The following RNF4 variants were observed in gnomAD, a reference collection of about 807,000 sequenced individuals.
RNF4 encodes the protein ring finger protein 4, also known as E3 ubiquitin-protein ligase RNF4.
A neutral mutation model predicts 24.3 loss-of-function variants in RNF4; 7 were observed. The observed-to-expected ratio is 0.29, with a 90% CI of 0.16 to 0.54. The LOEUF (loss-of-function observed/expected upper bound fraction) is 0.54. Among genes scored for constraint, RNF4 ranks in the 20% least tolerant of loss-of-function variants. RNF4 has a pLI of 0.95. For synonymous variants in RNF4, 83 were observed against 84.3 expected, an observed-to-expected ratio of 0.98 and a Z score of 0.09; for missense variants, 209 against 248.5, an observed-to-expected ratio of 0.84 and a Z score of 1.07.
chr4:2,496,422 C>T (rs1735737520), intron 2 of RNF4, among the ~76,000 whole-genome samples: 1 of 152,166 alleles, frequency 6.6e-6, no homozygotes, highest in Admixed American at 6.5e-5. Flanking sequence ...CTGACTTGGC[C>T]TCAAGCTTTT....
chr4:2,496,178 C>A (rs1271502243), intron 2 of RNF4, among the ~76,000 whole-genome samples: 1 of 152,114 alleles, frequency 6.6e-6, no homozygotes, highest in Non-Finnish European at 1.5e-5. Flanking sequence ...GAGTGATTGT[C>A]TGGTGTGAAT....
At chr4:2,502,466 A>G (rs1735938894) in intron 4 of RNF4, among the ~76,000 whole-genome samples, 1 of 152,098 alleles carries the variant, frequency 6.6e-6, no homozygotes, top group African/African-American at 2.4e-5. Flanking sequence ...TGGGCGGACC[A>G]CAAGGTCAGG....
rs1211375638 is a variant in RNF4, at chr4:2,506,614, C to T, written c.205-5342C>T. ...ACAGGGTCTCACTTTGTTACCCAGG[C>T]TGGAGTGCAGTGGTGCCATCACGGC... On this transcript the variant is annotated intron_variant, in intron 4 of 7. Transcript: ENST00000314289. Among the ~76,000 whole-genome samples the T allele has an allele frequency of 2.0e-5, 3 of 150,988 alleles. No homozygotes were observed. The Admixed American group carries it at 2.0e-4, about 10-fold the overall frequency.
chr4:2,492,814 G>C (rs1735620565), intron 2 of RNF4, among the ~76,000 whole-genome samples: 1 of 152,208 alleles, frequency 6.6e-6, no homozygotes, highest in Non-Finnish European at 1.5e-5. Context: ...AGGTTACCAT[G>C]TAGCTCACCT....
chr4:2,482,981 C>T (rs1225358283), intron 1 of RNF4, among the ~76,000 whole-genome samples: 1 of 152,186 alleles, frequency 6.6e-6, no homozygotes, highest in Non-Finnish European at 1.5e-5. Context: ...GAGCCGGAAA[C>T]ATTGGTTCCA....
chr4:2,472,323 T>TCAAAATATTACTG (rs1734931913), intron 1 of RNF4, among the ~76,000 whole-genome samples: 1 of 152,218 alleles, frequency 6.6e-6, no homozygotes, highest in Non-Finnish European at 1.5e-5. Context: ...AAGATTTCTT[T>TCAAAATATTACTG]CAAAATATTA....
intron 2 of RNF4, among the ~76,000 whole-genome samples, chr4:2,491,926 C>CAT (rs1466991183): frequency 6.6e-6 from 1 of 150,716 alleles, no homozygotes; most frequent in East Asian, 2.0e-4. Context: ...TGGCCAGGTG[C>CAT]GGTGGCTTAT....
rs191804767 is a variant in RNF4, at chr4:2,491,305, C to T, written c.9+803C>T. 2.1e-4 allele frequency among the ~76,000 whole-genome samples: 32 copies of T among 151,946 alleles called. No homozygotes were observed. In the East Asian group the frequency reaches 2.4e-3, roughly 11 times the overall value. ...AGCCTGGAGTGCAGTGGCCCGACCT[C>T]GGCTCACTGCAACCTCCACGTTCTG... On this transcript the variant is annotated intron_variant, in intron 2 of 7. Coordinates refer to ENST00000314289, the MANE Select transcript of RNF4 (RefSeq NM_002938.5).
intron 1 of RNF4, among the ~76,000 whole-genome samples, chr4:2,488,986 A>G (rs960010726): frequency 1.3e-5 from 2 of 151,678 alleles, no homozygotes; most frequent in Middle Eastern, 3.4e-3. Flanking sequence ...AATTTTTTGT[A>G]TTTTCTAGTA....
Position 2,514,823 on chromosome 4 carries a change from G to A in RNF4, c.*1004G>A, listed in dbSNP as rs1379078444. On this transcript the variant is annotated 3_prime_UTR_variant, in exon 8 of 8. Coordinates refer to ENST00000314289, the MANE Select transcript of RNF4 (RefSeq NM_002938.5). ...AGGTCACTGTTGCCCCATGTTCGGA[G>A]AACCTGGCCCACCTGTCTTGGCTTT... 2 of 152,678 alleles carry A rather than the reference G, an allele frequency of 1.3e-5. No homozygotes were observed. Among genetic ancestry groups the A allele is most frequent in the African/African-American group, 4.8e-5 (2 of 41,438 alleles). 9.5% of individuals were successfully genotyped at this position (152,678 alleles called of 1,614,324 possible). A position where few individuals can be genotyped will look rare whatever the true frequency, so the allele number is the denominator to read the frequency against.
At chr4:2,500,543 A>C (rs1393628331) in intron 3 of RNF4, 116 bp from the exon 4 acceptor site, 8 of 991,230 alleles carry the variant, frequency 8.1e-6, no homozygotes, top group Admixed American at 2.2e-5. Context: ...TGTATACTTC[A>C]GGATTGTTTT....
intron 4 of RNF4, among the ~76,000 whole-genome samples, chr4:2,510,608 G>A (rs757054258): frequency 6.6e-5 from 10 of 152,228 alleles, no homozygotes; most frequent in Non-Finnish European, 1.3e-4. Flanking sequence ...CTCGGTTCAC[G>A]TCTAGGATCC....
At chr4:2,483,035 A>G (rs1237638429) in intron 1 of RNF4, among the ~76,000 whole-genome samples, 3 of 152,112 alleles carry the variant, frequency 2.0e-5, no homozygotes, top group Non-Finnish European at 4.4e-5. Context: ...ATTTAATAGC[A>G]CTCATACCTG....
intron 2 of RNF4, among the ~76,000 whole-genome samples, chr4:2,491,873 A>G (rs1436081667): frequency 6.6e-6 from 1 of 151,722 alleles, no homozygotes; most frequent in East Asian, 1.9e-4. Context: ...AGTTGGGATC[A>G]TAGGCATGCA....
In RNF4 at chr4:2,512,620, G is replaced by C; in HGVS notation, c.374+23G>C. ...CAGGTACCAACGTGCCCCCAGCTCT[G>C]CTGCCGCCATGCTAGGATGTGGGGC... On this transcript the variant is annotated intron_variant, in intron 6 of 7. Transcript: ENST00000314289. The surrounding 1 kb of genome is among the most constrained non-coding windows in gnomAD (Gnocchi z 4.1). The C allele has an allele frequency of 6.2e-7, 1 of 1,611,988 alleles. No individual in the cohort carries two copies. Among genetic ancestry groups the C allele is most frequent in the Non-Finnish European group, 8.5e-7 (1 of 1,178,784 alleles).
At chr4:2,508,791 T>C (rs1736180518) in intron 4 of RNF4, among the ~76,000 whole-genome samples, 1 of 151,846 alleles carries the variant, frequency 6.6e-6, no homozygotes, top group South Asian at 2.1e-4. Flanking sequence ...TTTGTGTTTT[T>C]AGTAGAGGCG....
rs781566368 is a variant in RNF4 at position 2,515,621 on chromosome 4, TTG to T, written c.*1806_*1807del. 8 of 152,554 alleles carry T rather than the reference TTG, an allele frequency of 5.2e-5. No homozygotes were observed. The highest frequency in any genetic ancestry group is 8.8e-5 in the Non-Finnish European group (6 of 68,046). The allele number at this position is 152,554 out of a possible 1,614,324, so 9.5% of individuals were successfully genotyped here. A position where few individuals can be genotyped will look rare whatever the true frequency, so the allele number is the denominator to read the frequency against. Reference sequence around the variant, plus strand: ...CAACTTCAGTGGTTAATTATAAAAGTTGTGTTACTTCGTCCTAAATTAAATTG... The same window carrying T: ...CAACTTCAGTGGTTAATTATAAAAGTTGTTACTTCGTCCTAAATTAAATTG... On this transcript the variant is annotated 3_prime_UTR_variant, in exon 8 of 8. Coordinates refer to ENST00000314289, the MANE Select transcript of RNF4 (RefSeq NM_002938.5).
At chr4:2,498,980 T>C (rs1161249023) in intron 3 of RNF4, among the ~76,000 whole-genome samples, 2 of 152,174 alleles carry the variant, frequency 1.3e-5, no homozygotes, top group Non-Finnish European at 2.9e-5. Flanking sequence ...GCAGATCACC[T>C]GAGGTCAGGA....
intron 3 of RNF4, among the ~76,000 whole-genome samples, chr4:2,498,554 G>T (rs1225674669): frequency 6.6e-6 from 1 of 152,202 alleles, no homozygotes; most frequent in East Asian, 1.9e-4. Flanking sequence ...ATAAATTGTT[G>T]TATATCAGTA....
Sources: gnomAD v4.1 joint callset for allele counts (sites outside exome capture counted in the v4.1 genomes callset) on GRCh38, gnomAD v4.1.1 for gene constraint, Gnocchi (gnomAD v3.1) non-coding constraint, MANE v1.5 for transcripts, NCBI Gene and HGNC (gene_info 2026-07-23, HGNC 2026-07-21) for gene names.